Variants in NMU observed in about 807,000 individuals in gnomAD.
The protein encoded by NMU is neuromedin-U.
Under a neutral mutation model 35.4 loss-of-function variants are expected in NMU, and 29 were observed. The observed-to-expected ratio is 0.82, with a 90% CI of 0.61 to 1.12. NMU has a LOEUF of 1.12. NMU is among the 50% of genes most tolerant of loss of function. The pLI, the probability that NMU is intolerant of heterozygous loss-of-function variation, is 0.00. For synonymous variants in NMU, 78 were observed against 81.3 expected (o/e 0.96, Z 0.22); for missense variants, 199 against 206.2 (o/e 0.97, Z 0.21).
At chr4:55,633,335 G>GAA (rs10706337) in intron 1 of NMU, among the ~76,000 whole-genome samples, 68 of 121,634 alleles carry the variant, frequency 5.6e-4, no homozygotes, top group Non-Finnish European at 6.7e-4. Flanking sequence ...CAACAAAAAA[G>GAA]AAAAAAAAAA....
intron 2 of NMU, among the ~76,000 whole-genome samples, chr4:55,619,189 G>A (rs918302054): frequency 1.3e-5 from 2 of 151,808 alleles, no homozygotes; most frequent in Non-Finnish European, 2.9e-5. Context: ...GAACAGCTCC[G>A]GTCTACAGCT....
rs1349983865 is a variant in NMU, at chr4:55,616,339, T to C, written c.218A>G (p.Gln73Arg). 2 of 1,609,750 alleles carry C rather than the reference T, an allele frequency of 1.2e-6. No individual in the cohort carries two copies. The highest frequency in any genetic ancestry group is 1.7e-5 in the Admixed American group (1 of 59,976). ...SSFLSIDSQP[Q>R]ASNALEELCF... ...CAAAATATCTTCAATTGGAATTACC[T>C]GAGGCTGAGAATCAATGGACAGAAA... Residue 73 changes from glutamine to arginine, a missense_variant and splice_region_variant, in exon 3 of 10, where the codon CAG becomes CGG. Transcript: ENST00000264218.
intron 1 of NMU, among the ~76,000 whole-genome samples, chr4:55,631,420 A>G (rs1389729494): frequency 6.6e-6 from 1 of 152,206 alleles, no homozygotes; most frequent in East Asian, 1.9e-4. Context: ...TTTGCAAACT[A>G]TGCATCCAAC....
chr4:55,605,143 C>CATTGGCTAACTGGGT, intron 7 of NMU, 132 bp downstream of exon 7: 1 of 743,910 alleles, frequency 1.3e-6, no homozygotes, highest in Non-Finnish European at 2.5e-6. Context: ...GATGCTCTTA[C>CATTGGCTAACTGGGT]ATTGGCTAAC....
Position 55,604,722 on chromosome 4 carries a change from G to T in NMU, c.435+553C>A, listed in dbSNP as rs530571189. On this transcript the variant is annotated intron_variant, in intron 7 of 9. Transcript: ENST00000264218. ...TTTTTTTTGTATTTTTAGTAGGGAC[G>T]GGGTTTCGCCATGTTGCCAAGGCTG... Among the ~76,000 whole-genome samples the T allele has an allele frequency of 3.3e-5, 3 of 90,468 alleles. No individual in the cohort carries two copies. In the East Asian group the frequency reaches 9.2e-4, roughly 28 times the overall value. The allele number at this position is 90,468 out of a possible 152,430, so 59.4% of individuals were successfully genotyped here. A position where few individuals can be genotyped will look rare whatever the true frequency, so the allele number is the denominator to read the frequency against.
intron 9 of NMU, among the ~76,000 whole-genome samples, chr4:55,595,647 T>A (rs867528684): frequency 4.3e-5 from 6 of 140,232 alleles, no homozygotes; most frequent in South Asian, 2.2e-4. Flanking sequence ...ATATATATTT[T>A]TTTTTTTTTT....
chr4:55,630,538 C>A, intron 1 of NMU, 78 bp from the exon 2 acceptor site: 1 of 1,124,614 alleles, frequency 8.9e-7, no homozygotes. Flanking sequence ...AATTCTTTCT[C>A]GCACACTTTC....
At chr4:55,603,804 C>T (rs1733525574) in intron 7 of NMU, among the ~76,000 whole-genome samples, 1 of 148,384 alleles carries the variant, frequency 6.7e-6, no homozygotes, top group East Asian at 2.1e-4. Flanking sequence ...CCCAGCTCCT[C>T]GGGAGGCTGA....
chr4:55,600,106 A>G (rs1016351604), intron 8 of NMU, among the ~76,000 whole-genome samples: 2 of 152,202 alleles, frequency 1.3e-5, no homozygotes, highest in Non-Finnish European at 2.9e-5. Flanking sequence ...CTGTCTACTT[A>G]TACCTTTTAT....
At chr4:55,630,028 C>A (rs1182352548) in intron 2 of NMU, among the ~76,000 whole-genome samples, 1 of 117,426 alleles carries the variant, frequency 8.5e-6, no homozygotes, top group Middle Eastern at 5.9e-3. Context: ...TATCATTTTC[C>A]ATCCTTTTAT....
intron 9 of NMU, among the ~76,000 whole-genome samples, chr4:55,596,190 G>C (rs2110176143): frequency 6.6e-6 from 1 of 151,972 alleles, no homozygotes; most frequent in Admixed American, 6.6e-5. Flanking sequence ...AATAAATATA[G>C]GTCATCAGGA....
chr4:55,630,275 ATTCTGGGT>A (rs1266754886), intron 2 of NMU, 119 bp downstream of exon 2: 2 of 785,166 alleles, frequency 2.5e-6, no homozygotes, highest in Non-Finnish European at 4.2e-6. Flanking sequence ...AAAAATAGTA[ATTCTGGGT>A]TTTATTATTA....
At chr4:55,603,407 A>G (rs1022416123) in intron 7 of NMU, among the ~76,000 whole-genome samples, 1 of 152,060 alleles carries the variant, frequency 6.6e-6, no homozygotes, top group Non-Finnish European at 1.5e-5. Context: ...GTGAAAAAAA[A>G]ATTGCCTAGA....
intron 1 of NMU, among the ~76,000 whole-genome samples, chr4:55,633,003 AAAAAAAATTC>A (rs938993427): frequency 4.4e-4 from 27 of 60,872 alleles, no homozygotes; most frequent in Admixed American, 4.1e-3. Flanking sequence ...AACAAAATTA[AAAAAAAATTC>A]TATAATTTAT....
At chr4:55,605,580 AT>A (rs779991134) in intron 6 of NMU, among the ~76,000 whole-genome samples, 1 of 152,220 alleles carries the variant, frequency 6.6e-6, no homozygotes, top group East Asian at 1.9e-4. Context: ...TTATCCTCAT[AT>A]TGAGAAGAAG....
chr4:55,629,479 C>T (rs1734672294), intron 2 of NMU, among the ~76,000 whole-genome samples: 1 of 151,540 alleles, frequency 6.6e-6, no homozygotes, highest in South Asian at 2.1e-4. Flanking sequence ...ATTAGCTGGG[C>T]ATGATGGTGT....
At chr4:55,632,949 C>G (rs530182911) in intron 1 of NMU, among the ~76,000 whole-genome samples, 137 of 141,646 alleles carry the variant, frequency 9.7e-4, no homozygotes, top group African/African-American at 3.4e-3. Flanking sequence ...CTAAAAAACA[C>G]GTAAACACAG....
intron 2 of NMU, among the ~76,000 whole-genome samples, chr4:55,625,355 A>ATTTCAAGC (rs762678206): frequency 1.3e-5 from 2 of 152,018 alleles, no homozygotes; most frequent in Non-Finnish European, 2.9e-5. Context: ...AATATAGAGT[A>ATTTCAAGC]TTTCAAGCTA....
chr4:55,632,216 C>T (rs558559075), intron 1 of NMU, among the ~76,000 whole-genome samples: 1 of 152,150 alleles, frequency 6.6e-6, no homozygotes, highest in Admixed American at 6.5e-5. Context: ...GTACACCACT[C>T]GGATGATGGG....
Sources: gnomAD v4.1 joint callset for allele counts (sites outside exome capture counted in the v4.1 genomes callset) on GRCh38, gnomAD v4.1.1 for gene constraint, MANE v1.5 for transcripts, NCBI Gene and HGNC (gene_info 2026-07-23, HGNC 2026-07-21) for gene names.